The following CTDP1 variants were observed in gnomAD, a reference collection of about 807,000 sequenced individuals.
CTDP1 encodes RNA polymerase II subunit A C-terminal domain phosphatase.
CTDP1 carries 47 observed loss-of-function variants against 91.8 expected under a neutral mutation model. The ratio of observed to expected loss-of-function variants is 0.51; its 90% CI spans 0.41 to 0.65. The LOEUF (loss-of-function observed/expected upper bound fraction) is 0.65, where lower values mean the gene tolerates loss of function less well. Ranked by LOEUF, CTDP1 falls within the 30% of genes least tolerant of loss-of-function variation. The probability of loss-of-function intolerance (pLI) is 0.00; values close to 1 mark genes in which losing one functional copy is unlikely to be tolerated. For synonymous variants in CTDP1, 656 were observed against 598.5 expected, an observed-to-expected ratio of 1.10 and a Z score of -1.40; for missense variants, 1,272 against 1,373.7, an observed-to-expected ratio of 0.93 and a Z score of 1.17.
chr18:79,694,976 C>T (rs1375000485), intron 1 of CTDP1, among the ~76,000 whole-genome samples: 2 of 152,152 alleles, frequency 1.3e-5, no homozygotes, highest in Admixed American at 6.6e-5. Context: ...TTCAGCTGTT[C>T]CACGGGTGGC....
chr18:79,751,224 G>T (rs2122903738), intron 12 of CTDP1, among the ~76,000 whole-genome samples: 1 of 138,308 alleles, frequency 7.2e-6, no homozygotes, highest in African/African-American at 2.7e-5. Context: ...GGAGGGAGGG[G>T]CTGGGCGCAG....
chr18:79,696,328 C>G (rs1272460974), intron 3 of CTDP1, among the ~76,000 whole-genome samples: 1 of 152,180 alleles, frequency 6.6e-6, no homozygotes, highest in Non-Finnish European at 1.5e-5. Context: ...TCGGGAACAC[C>G]AGGTGCTGCC....
chr18:79,686,621 A>C (rs1012109892), intron 1 of CTDP1, among the ~76,000 whole-genome samples: 2 of 152,270 alleles, frequency 1.3e-5, no homozygotes, highest in Non-Finnish European at 2.9e-5. Context: ...AACATTTTTG[A>C]AGTAGCGTTT....
intron 12 of CTDP1, among the ~76,000 whole-genome samples, chr18:79,744,767 G>A (rs1023106503): frequency 6.6e-5 from 10 of 152,198 alleles, no homozygotes; most frequent in Non-Finnish European, 1.3e-4. Flanking sequence ...CGGCCATGGC[G>A]AGACCTTGGA....
chr18:79,705,241 G>T (rs1169805897), intron 5 of CTDP1, among the ~76,000 whole-genome samples: 1 of 152,138 alleles, frequency 6.6e-6, no homozygotes, highest in East Asian at 1.9e-4. Flanking sequence ...ACTTTGGGCC[G>T]GGCTGCTTGT....
Position 79,686,696 on chromosome 18 carries a change from T to TG in CTDP1, c.314+6436dup, listed in dbSNP as rs201766942. Among the ~76,000 whole-genome samples the TG allele has an allele frequency of 2.6e-5, 4 of 152,406 alleles. No homozygotes were observed. The East Asian group carries it at 7.7e-4, about 29-fold the overall frequency. ...GAATGCTGGTGTCGTACGATTTTGA[T>TG]GCATTTTTTGTGCTGACTATAGACT... On this transcript the variant is annotated intron_variant, in intron 1 of 12. Coordinates refer to ENST00000613122, the MANE Select transcript of CTDP1 (RefSeq NM_004715.5).
chr18:79,681,023 C>G (rs1484465992), intron 1 of CTDP1: 3 of 152,276 alleles, frequency 2.0e-5, no homozygotes, highest in Admixed American at 6.5e-5. Flanking sequence ...GGTGGACACT[C>G]CAGCCCGCAG....
At chr18:79,691,247 T>A (rs1490603777) in intron 1 of CTDP1, among the ~76,000 whole-genome samples, 28 of 152,240 alleles carry the variant, frequency 1.8e-4, no homozygotes, top group Admixed American at 1.8e-3. Flanking sequence ...ACTCAGCTTA[T>A]AGTCAACTTT....
At chr18:79,737,835 C>A (rs1456443750) in intron 12 of CTDP1, among the ~76,000 whole-genome samples, 1 of 152,218 alleles carries the variant, frequency 6.6e-6, no homozygotes, top group East Asian at 1.9e-4. Context: ...CGCAGTGTTT[C>A]CTATGACCGT....
At chr18:79,696,884 G>C (rs1436902321) in intron 3 of CTDP1, among the ~76,000 whole-genome samples, 2 of 152,190 alleles carry the variant, frequency 1.3e-5, no homozygotes, top group Non-Finnish European at 2.9e-5. Flanking sequence ...TGCTCTGGGA[G>C]CTGAGAAAAA....
rs140922914 is a variant in CTDP1, at chr18:79,719,392, G to C, written c.2417+1376G>C. Among the ~76,000 whole-genome samples the C allele has an allele frequency of 4.0e-3, 612 of 152,200 alleles. 8 individuals are homozygous for C. Among genetic ancestry groups the C allele is most frequent in the African/African-American group, 0.014 (561 of 41,514 alleles). On this transcript the variant is annotated intron_variant, in intron 10 of 12. Coordinates refer to ENST00000613122, the MANE Select transcript of CTDP1 (RefSeq NM_004715.5). ...CCGTGCGGCAGCCTGGCGACGCTCT[G>C]GGACCTAGGGGGTGGGGGGTTTGGG...
intron 4 of CTDP1, among the ~76,000 whole-genome samples, chr18:79,699,779 G>A (rs1238892148): frequency 2.6e-5 from 4 of 152,072 alleles, no homozygotes; most frequent in Admixed American, 6.6e-5. Context: ...GAGGAGGCTC[G>A]GAGCAACCTG....
intron 12 of CTDP1, among the ~76,000 whole-genome samples, chr18:79,753,165 C>T (rs919079928): frequency 1.5e-4 from 23 of 152,176 alleles, no homozygotes; most frequent in Non-Finnish European, 3.2e-4. Flanking sequence ...CTAGTGGCAC[C>T]GGCTGGTTAT....
intron 12 of CTDP1, among the ~76,000 whole-genome samples, chr18:79,739,831 C>T (rs112965137): frequency 0.069 from 7,699 of 111,604 alleles, 417 homozygotes; most frequent in Admixed American, 0.087. Context: ...CTCATACCCA[C>T]GGCCGGGACG....
At chr18:79,736,955 G>C (rs534269955) in intron 12 of CTDP1, among the ~76,000 whole-genome samples, 1 of 152,150 alleles carries the variant, frequency 6.6e-6, no homozygotes, top group Non-Finnish European at 1.5e-5. Flanking sequence ...CTGTATGTGT[G>C]CACAGGCGTG....
intron 10 of CTDP1, among the ~76,000 whole-genome samples, chr18:79,718,702 A>G (rs2086271456): frequency 6.6e-6 from 1 of 151,610 alleles, no homozygotes; most frequent in African/African-American, 2.4e-5. Context: ...ATTGTTGGAG[A>G]TTTAAGTGAG....
At chr18:79,749,054 G>A (rs1401224034) in intron 12 of CTDP1, among the ~76,000 whole-genome samples, 1 of 152,240 alleles carries the variant, frequency 6.6e-6, no homozygotes, top group Non-Finnish European at 1.5e-5. Flanking sequence ...GTGTCCTGCT[G>A]TCAACAGCAC....
At chr18:79,725,317 C>T (rs998331030) in intron 10 of CTDP1, among the ~76,000 whole-genome samples, 1 of 152,218 alleles carries the variant, frequency 6.6e-6, no homozygotes, top group African/African-American at 2.4e-5. Context: ...TCCAGCATCA[C>T]TGGTGAGACT....
intron 12 of CTDP1, among the ~76,000 whole-genome samples, chr18:79,739,723 A>C (rs965544513): frequency 2.0e-5 from 3 of 152,250 alleles, no homozygotes; most frequent in Admixed American, 2.0e-4. Context: ...AGGAGAATAA[A>C]GTGTCCTGGG....
Sources: gnomAD v4.1 joint callset for allele counts (sites outside exome capture counted in the v4.1 genomes callset) on GRCh38, gnomAD v4.1.1 for gene constraint, MANE v1.5 for transcripts, NCBI Gene and HGNC (gene_info 2026-07-23, HGNC 2026-07-21) for gene names.